Variants in RTN3 observed in about 807,000 individuals in gnomAD.
RTN3 encodes the protein reticulon 3.
A neutral mutation model predicts 77.8 loss-of-function variants in RTN3; 49 were observed. The ratio of observed to expected loss-of-function variants is 0.63; its 90% CI spans 0.50 to 0.80. The LOEUF is 0.80. RTN3 is among the 30% of genes least tolerant of loss of function. The probability of loss-of-function intolerance (pLI) is 0.00; values close to 1 mark genes in which losing one functional copy is unlikely to be tolerated. For missense variants in RTN3, 1,236 were observed against 1,211.9 expected (o/e 1.02, Z -0.29); for synonymous variants, 464 against 446.9 (o/e 1.04, Z -0.48).
Position 63,757,653 on chromosome 11 carries a change from T to C in RTN3, c.3054-503T>C, listed in dbSNP as rs114583812. Among the ~76,000 whole-genome samples, 1,209 of 152,226 alleles carry C rather than the reference T, an allele frequency of 7.9e-3. 15 individuals are homozygous for C. The highest frequency in any genetic ancestry group is 0.027 in the African/African-American group (1,113 of 41,540). ...AGATTACAGGCATGAGCCCTGCTTT[T>C]ATTTTGAATTATTCATAGCAAATAC... is the stretch of plus-strand genomic sequence containing the variant. On this transcript the variant is annotated intron_variant, in intron 8 of 8. Transcript: ENST00000377819.
chr11:63,747,307 G>GTA (rs1383943557), intron 3 of RTN3, among the ~76,000 whole-genome samples: 3 of 152,178 alleles, frequency 2.0e-5, no homozygotes, highest in Non-Finnish European at 2.9e-5. Context: ...ATTCTAACAT[G>GTA]TATATGCTTG....
chr11:63,685,045 C>G (rs918238203), intron 1 of RTN3, among the ~76,000 whole-genome samples: 6 of 152,168 alleles, frequency 3.9e-5, no homozygotes, highest in Non-Finnish European at 7.4e-5. Context: ...CAGGCATGAG[C>G]CACTGAGCCC....
At position 63,720,640 on chromosome 11, in the gene RTN3, A is replaced by G. The variant is rs1384971239; in HGVS notation, c.2138A>G (p.Gln713Arg). The change falls in exon 3 of 9, where the codon CAA (glutamine) becomes CGA (arginine). Residue 713 changes from glutamine to arginine, a missense_variant. By Grantham distance (43) the Gln-to-Arg change is conservative. This residue lies in a region of RTN3 where 1,056 missense variants were observed against 990.4 expected (regional missense o/e 1.07). Transcript: ENST00000377819. ...IKDIGSKYSEQSKETNGSEPL... is the reference protein window; with the variant it reads ...IKDIGSKYSERSKETNGSEPL... The stretch of plus-strand genomic sequence containing the variant: ...GACATTGGAAGCAAATACAGTGAAC[A>G]AAGCAAAGAAACAAATGGAAGTGAG... 1 of 1,614,094 alleles carries G rather than the reference A, an allele frequency of 6.2e-7. No homozygotes were observed. Among genetic ancestry groups the G allele is most frequent in the Non-Finnish European group, 8.5e-7 (1 of 1,180,016 alleles).
In RTN3 at chr11:63,720,864, A is replaced by G; in HGVS notation, c.2362A>G (p.Arg788Gly). 1 of 1,614,098 alleles carries G rather than the reference A, an allele frequency of 6.2e-7. No homozygotes were observed. Among genetic ancestry groups the G allele is most frequent in the Non-Finnish European group, 8.5e-7 (1 of 1,180,018 alleles). ...ATTTGCTCCAGAATCTTGGCCACAGAGATCATATGACATCCTAGAACGTAA... is the reference window on the plus strand; with the variant it reads ...ATTTGCTCCAGAATCTTGGCCACAGGGATCATATGACATCCTAGAACGTAA... ...FTFAPESWPQ[R>G]SYDILERNVK... Residue 788 changes from arginine to glycine, a missense_variant, in exon 3 of 9, where the codon AGA becomes GGA. By Grantham distance (125) the Arg-to-Gly change is moderately radical. Around this residue, in one of 3 missense-constraint regions of RTN3, gnomAD observed 1,056 missense variants for 990.4 expected, o/e 1.07. Coordinates refer to ENST00000377819, the MANE Select transcript of RTN3 (RefSeq NM_001265589.2).
intron 3 of RTN3, among the ~76,000 whole-genome samples, chr11:63,740,942 G>A (rs2013431073): frequency 6.6e-6 from 1 of 152,060 alleles, no homozygotes; most frequent in Non-Finnish European, 1.5e-5. Context: ...TCCCTATGAA[G>A]TTGATCTTGT....
At chr11:63,734,563 C>T (rs1400213861) in intron 3 of RTN3, among the ~76,000 whole-genome samples, 3 of 151,946 alleles carry the variant, frequency 2.0e-5, no homozygotes, top group African/African-American at 7.2e-5. Context: ...ATGGTGAAAC[C>T]TCTACTAAAA....
Position 63,704,434 on chromosome 11 carries a change from A to G in RTN3, c.143-417A>G, listed in dbSNP as rs781068664. Among the ~76,000 whole-genome samples the G allele has an allele frequency of 3.2e-4, 49 of 152,332 alleles. No homozygotes were observed. The Middle Eastern group carries it at 0.014, about 42-fold the overall frequency. On this transcript the variant is annotated intron_variant, in intron 1 of 8. Coordinates refer to ENST00000377819, the MANE Select transcript of RTN3 (RefSeq NM_001265589.2). Reference sequence around the variant, plus strand: ...CAATTAGATATTTTCAAATGCTTATATTAGTGACTTACCTCCTCAAAATGC... The same window carrying G: ...CAATTAGATATTTTCAAATGCTTATGTTAGTGACTTACCTCCTCAAAATGC...
In RTN3 at chr11:63,721,444, G is replaced by A. The variant is rs144065800; in HGVS notation, c.2530+412G>A. Among the ~76,000 whole-genome samples, 1,226 of 151,964 alleles carry A rather than the reference G, an allele frequency of 8.1e-3. 16 individuals are homozygous for A. The highest frequency in any genetic ancestry group is 0.027 in the African/African-American group (1,129 of 41,426). On this transcript the variant is annotated intron_variant, in intron 3 of 8. Transcript: ENST00000377819. ...AGAAAAATTAGCTGGACGTGGTGGCGGGCGCCTGTAGTCCCAGCTGCTTGG... is the reference window on the plus strand; with the variant it reads ...AGAAAAATTAGCTGGACGTGGTGGCAGGCGCCTGTAGTCCCAGCTGCTTGG...
At chr11:63,692,796 T>G (rs1169375030) in intron 1 of RTN3, among the ~76,000 whole-genome samples, 3 of 152,104 alleles carry the variant, frequency 2.0e-5, no homozygotes, top group Non-Finnish European at 4.4e-5. Context: ...GAAGGAATGC[T>G]TTTATAGACC....
chr11:63,757,714 CTTTTTTTCT>C (rs1160227813), intron 8 of RTN3, among the ~76,000 whole-genome samples: 7 of 129,076 alleles, frequency 5.4e-5, no homozygotes, highest in Admixed American at 1.0e-4. Flanking sequence ...TAACATTTTT[CTTTTTTTCT>C]TTTTTTTTTT....
At chr11:63,748,126 A>G (rs1231068038) in intron 3 of RTN3, among the ~76,000 whole-genome samples, 1 of 151,634 alleles carries the variant, frequency 6.6e-6, no homozygotes, top group African/African-American at 2.4e-5. Flanking sequence ...CAGCCTGGCC[A>G]ATATGGTGAA....
At position 63,720,899 on chromosome 11, in the gene RTN3, T is replaced by C. The variant is rs1386049500; in HGVS notation, c.2397T>C (p.Asn799=). 1.2e-6 allele frequency: 2 copies of C among 1,614,014 alleles called. No individual in the cohort carries two copies. The highest frequency in any genetic ancestry group is 1.7e-6 in the Non-Finnish European group (2 of 1,180,040). The change falls in exon 3 of 9, where the codon AAT becomes AAC. Residue 799 remains asparagine (N), a synonymous_variant. Transcript: ENST00000377819. ...SYDILERNVK[N]GSDLGISQKP... ...ACATCCTAGAACGTAATGTCAAGAA[T>C]GGATCTGATCTTGGGATTTCCCAGA...
intron 1 of RTN3, among the ~76,000 whole-genome samples, chr11:63,690,654 T>A (rs1941606823): frequency 6.6e-6 from 1 of 152,230 alleles, no homozygotes; most frequent in Non-Finnish European, 1.5e-5. Flanking sequence ...AAAGTCTTAA[T>A]TTCTGGCTCC....
Position 63,758,540 on chromosome 11 carries a change from C to T in RTN3, c.*339C>T. On this transcript the variant is annotated 3_prime_UTR_variant, in exon 9 of 9. Transcript: ENST00000377819. ...AATGAAAGAACACCTCTGGGTCCTT[C>T]TGTCCAGTTTTCAGCACTAGTCTTA... is the stretch of plus-strand genomic sequence containing the variant. 1.8e-6 allele frequency: 1 copy of T among 544,060 alleles called. No individual in the cohort carries two copies. The highest frequency in any genetic ancestry group is 3.2e-6 in the Non-Finnish European group (1 of 316,214). The allele number at this position is 544,060 out of a possible 1,614,324, so 33.7% of individuals were successfully genotyped here. A position where few individuals can be genotyped will look rare whatever the true frequency, so the allele number is the denominator to read the frequency against.
intron 3 of RTN3, among the ~76,000 whole-genome samples, chr11:63,748,478 A>G (rs1422411480): frequency 6.7e-6 from 1 of 150,216 alleles, no homozygotes; most frequent in African/African-American, 2.5e-5. Context: ...CCTCCCGAGT[A>G]GCTGAGATTA....
chr11:63,714,253 G>A (rs1454094107), intron 2 of RTN3: 1 of 346,666 alleles, frequency 2.9e-6, no homozygotes, highest in Admixed American at 3.9e-5. Context: ...AGATGATGAT[G>A]CTACCTTATT....
chr11:63,715,669 C>T (rs1244431188), intron 2 of RTN3, among the ~76,000 whole-genome samples: 1 of 124,646 alleles, frequency 8.0e-6, no homozygotes, highest in Non-Finnish European at 2.0e-5. Context: ...AAAAAACACA[C>T]AAAAAACACA....
chr11:63,683,929 CT>C (rs1941202677), intron 1 of RTN3, among the ~76,000 whole-genome samples: 1 of 106,738 alleles, frequency 9.4e-6, no homozygotes, highest in Non-Finnish European at 2.0e-5. Flanking sequence ...ATTTCTTTCT[CT>C]TTTCTTTTCT....
chr11:63,708,424 A>G (rs1022201309), intron 2 of RTN3, among the ~76,000 whole-genome samples: 6 of 152,114 alleles, frequency 3.9e-5, no homozygotes, highest in Admixed American at 3.9e-4. Flanking sequence ...TTGGCTTCCC[A>G]AAGTGCTGGG....
Sources: allele counts gnomAD v4.1 joint callset (sites outside exome capture counted in the v4.1 genomes callset), GRCh38; gene constraint gnomAD v4.1.1; regional missense constraint gnomAD v4.1.1; transcripts MANE v1.5; gene names NCBI Gene and HGNC (gene_info 2026-07-23, HGNC 2026-07-21).